KIF11: variants seen among roughly 807,000 people sequenced by gnomAD.
KIF11 encodes the protein kinesin family member 11.
KIF11 carries 9 observed loss-of-function variants against 121.0 expected under a neutral mutation model. The ratio of observed to expected loss-of-function variants is 0.07; its 90% CI spans 0.04 to 0.13. The LOEUF (loss-of-function observed/expected upper bound fraction) is 0.13. Ranked by LOEUF, KIF11 falls within the 10% of genes least tolerant of loss-of-function variation. The probability of loss-of-function intolerance (pLI) is 1.00; values close to 1 mark genes in which losing one functional copy is unlikely to be tolerated. For missense variants in KIF11, 846 were observed against 1,217.5 expected (o/e 0.69, Z 4.54); for synonymous variants, 408 against 421.0 (o/e 0.97, Z 0.38).
chr10:92,630,050 G>A (rs1844719944), intron 11 of KIF11, 126 bp from the exon 12 acceptor site: 3 of 566,914 alleles, frequency 5.3e-6, no homozygotes, highest in South Asian at 5.1e-5. Context: ...TGACATATTT[G>A]TGTTAACCTA....
In KIF11 at chr10:92,596,307, G is replaced by T. The variant is rs141809632; in HGVS notation, c.77+2855G>T. ...CGTGAGCTACGGAGCCCGGCCTTGA[G>T]TTACTTCTTACTTTTAGCTATTATG... On this transcript the variant is annotated intron_variant, in intron 1 of 21. Coordinates refer to ENST00000260731, the MANE Select transcript of KIF11 (RefSeq NM_004523.4). Among the ~76,000 whole-genome samples the T allele has an allele frequency of 3.3e-5, 5 of 152,322 alleles. No individual in the cohort carries two copies. In the East Asian group the frequency reaches 9.6e-4, roughly 29 times the overall value.
intron 14 of KIF11, among the ~76,000 whole-genome samples, chr10:92,635,566 C>T (rs890648368): frequency 1.3e-5 from 2 of 151,870 alleles, no homozygotes; most frequent in African/African-American, 2.4e-5. Context: ...TTATGGTACC[C>T]CAAGACAATT....
At position 92,655,338 on chromosome 10, in the gene KIF11, A is replaced by G. The variant is rs553011391; in HGVS notation, c.*1542A>G. The G allele has an allele frequency of 6.6e-6, 1 of 152,354 alleles. No individual in the cohort carries two copies. Among genetic ancestry groups the G allele is most frequent in the Non-Finnish European group, 1.5e-5 (1 of 68,036 alleles). The allele number at this position is 152,354 out of a possible 1,614,324, so 9.4% of individuals were successfully genotyped here. A position where few individuals can be genotyped will look rare whatever the true frequency, so the allele number is the denominator to read the frequency against. ...CAGATGTCAGCATAAGCGATGGATA[A>G]TACCTAATAAACTGCCCTCAGTAAA... On this transcript the variant is annotated 3_prime_UTR_variant, in exon 22 of 22. Transcript: ENST00000260731.
chr10:92,606,803 G>A, intron 3 of KIF11, 87 bp downstream of exon 3: 1 of 806,528 alleles, frequency 1.2e-6, no homozygotes, highest in Admixed American at 1.9e-5. Flanking sequence ...TTGAGACGGA[G>A]TTTCACTCTT....
intron 21 of KIF11, among the ~76,000 whole-genome samples, chr10:92,651,498 G>C (rs1179709200): frequency 9.3e-6 from 1 of 107,010 alleles, no homozygotes; most frequent in Admixed American, 1.1e-4. Context: ...ACCATGCCTG[G>C]CTAATTTTGT....
At chr10:92,602,794 C>T (rs572797878) in intron 1 of KIF11, among the ~76,000 whole-genome samples, 24 of 147,406 alleles carry the variant, frequency 1.6e-4, no homozygotes, top group Non-Finnish European at 3.3e-4. Context: ...TGTCTTTGAA[C>T]CCTGGTTACT....
intron 10 of KIF11, 134 bp downstream of exon 10, chr10:92,621,607 T>C (rs1201059075): frequency 1.4e-5 from 8 of 583,314 alleles, no homozygotes; most frequent in Non-Finnish European, 2.1e-5. Flanking sequence ...TGTGTGTGTG[T>C]GTGTTTTCTT....
Position 92,639,912 on chromosome 10 carries a change from T to C in KIF11, c.2267+12T>C. 2 of 1,358,846 alleles carry C rather than the reference T, an allele frequency of 1.5e-6. No homozygotes were observed. Among genetic ancestry groups the C allele is most frequent in the Non-Finnish European group, 2.1e-6 (2 of 962,172 alleles). 84.2% of individuals were successfully genotyped at this position (1,358,846 alleles called of 1,614,324 possible). A position where few individuals can be genotyped will look rare whatever the true frequency, so the allele number is the denominator to read the frequency against. On this transcript the variant is annotated intron_variant, in intron 17 of 21. Transcript: ENST00000260731. The stretch of plus-strand genomic sequence containing the variant: ...GAAAATATACAGCAGTAAGCTATTT[T>C]TAAATTCTCTTAAACTTTTCTGTAA...
chr10:92,636,097 A>C (rs1305998146), intron 14 of KIF11, among the ~76,000 whole-genome samples: 1 of 152,222 alleles, frequency 6.6e-6, no homozygotes, highest in Non-Finnish European at 1.5e-5. Flanking sequence ...TTCTTCTGAT[A>C]CAATAGGATG....
At position 92,606,509 on chromosome 10, in the gene KIF11, C is replaced by T. The variant is rs1341051661; in HGVS notation, c.211-110C>T. 2.6e-6 allele frequency: 3 copies of T among 1,154,294 alleles called. No homozygotes were observed. The African/African-American group carries it at 4.7e-5, about 18-fold the overall frequency. 71.5% of individuals were successfully genotyped at this position (1,154,294 alleles called of 1,614,324 possible). The stretch of plus-strand genomic sequence containing the variant: ...GAAATTTCAGTTGTCTCTGAATTGT[C>T]AGATGGCTTCTAGTGGGCTGAATTA... On this transcript the variant is annotated intron_variant, in intron 2 of 21. Transcript: ENST00000260731.
intron 20 of KIF11, 59 bp downstream of exon 20, chr10:92,650,045 G>A: frequency 7.9e-7 from 1 of 1,273,796 alleles, no homozygotes; most frequent in Non-Finnish European, 1.1e-6. Context: ...TGATGTGGCT[G>A]ACTTCATGTG....
chr10:92,633,547 C>A, intron 13 of KIF11, 76 bp from the exon 14 acceptor site: 1 of 1,083,342 alleles, frequency 9.2e-7, no homozygotes, highest in Non-Finnish European at 1.4e-6. Flanking sequence ...CTTTTGTCAA[C>A]TTCTTTGAAA....
At chr10:92,599,066 C>A (rs1175233492) in intron 1 of KIF11, among the ~76,000 whole-genome samples, 1 of 151,098 alleles carries the variant, frequency 6.6e-6, no homozygotes, top group Non-Finnish European at 1.5e-5. Flanking sequence ...GCGTGAGCCA[C>A]TGCGCCTGGC....
chr10:92,602,128 G>GTA (rs1307048623), intron 1 of KIF11, among the ~76,000 whole-genome samples: 1 of 152,120 alleles, frequency 6.6e-6, no homozygotes, highest in East Asian at 1.9e-4. Flanking sequence ...TGGTCATGGT[G>GTA]TATAATCCTT....
chr10:92,648,457 T>C (rs1844944820), intron 19 of KIF11, 23 bp downstream of exon 19: 3 of 1,450,404 alleles, frequency 2.1e-6, no homozygotes, highest in Admixed American at 2.1e-5. Context: ...AGAAATAGAA[T>C]TGTTAAATTT....
chr10:92,631,583 G>A (rs1396770102), intron 12 of KIF11, among the ~76,000 whole-genome samples: 3 of 149,400 alleles, frequency 2.0e-5, no homozygotes, highest in Admixed American at 6.7e-5. Context: ...GGATGGTCTC[G>A]ATCTCCTGAC....
At chr10:92,614,065 C>CACAT (rs1491391031) in intron 8 of KIF11, among the ~76,000 whole-genome samples, 126 of 116,554 alleles carry the variant, frequency 1.1e-3, no homozygotes, top group East Asian at 5.7e-3. Context: ...CACACACACA[C>CACAT]ATATAGTAGG....
At chr10:92,633,239 A>G (rs540405050) in intron 13 of KIF11, among the ~76,000 whole-genome samples, 8 of 152,202 alleles carry the variant, frequency 5.3e-5, no homozygotes, top group African/African-American at 1.9e-4. Flanking sequence ...TTAAAAAATC[A>G]TCTAGACTCT....
In KIF11 at chr10:92,613,005, T is replaced by G. The variant is rs781613204; in HGVS notation, c.699-35T>G. The G allele has an allele frequency of 4.2e-5, 53 of 1,272,022 alleles. No individual in the cohort carries two copies. The highest frequency in any genetic ancestry group is 1.7e-4 in the Admixed American group (9 of 51,740). The allele number at this position is 1,272,022 out of a possible 1,614,324, so 78.8% of individuals were successfully genotyped here. On this transcript the variant is annotated intron_variant, in intron 6 of 21. Coordinates refer to ENST00000260731, the MANE Select transcript of KIF11 (RefSeq NM_004523.4). This position sits in a 1 kb window ranked among gnomAD's most constrained non-coding sequence, Gnocchi z 4.2. Reference sequence around the variant, plus strand: ...CAGAAGCAGCAAATGCTATTTTACATTATAATGACTGGGCAACTTGATATT... The same window carrying G: ...CAGAAGCAGCAAATGCTATTTTACAGTATAATGACTGGGCAACTTGATATT...
Sources: gnomAD v4.1 joint callset for allele counts (sites outside exome capture counted in the v4.1 genomes callset) on GRCh38, gnomAD v4.1.1 for gene constraint, Gnocchi (gnomAD v3.1) non-coding constraint, MANE v1.5 for transcripts, NCBI Gene and HGNC (gene_info 2026-07-23, HGNC 2026-07-21) for gene names.